STK3: variants seen among roughly 807,000 people sequenced by gnomAD.
The protein encoded by STK3 is serine/threonine-protein kinase 3.
A neutral mutation model predicts 58.0 loss-of-function variants in STK3; 41 were observed. That is an observed-to-expected ratio of 0.71 (90% CI 0.55 to 0.92). The LOEUF (loss-of-function observed/expected upper bound fraction) is 0.92. Among genes scored for constraint, STK3 ranks in the 40% least tolerant of loss-of-function variants. The probability of loss-of-function intolerance (pLI) is 0.00; values close to 1 mark genes in which losing one functional copy is unlikely to be tolerated. For synonymous variants in STK3, 170 were observed against 191.0 expected (o/e 0.89, Z 0.91); for missense variants, 479 against 602.7 (o/e 0.79, Z 2.15).
intron 1 of STK3, among the ~76,000 whole-genome samples, chr8:98,907,850 T>TACCTTTTAATC (rs1838977174): frequency 1.3e-5 from 2 of 152,350 alleles, no homozygotes; most frequent in African/African-American, 2.4e-5. Flanking sequence ...GTTTTTTAAT[T>TACCTTTTAATC]ATCTTTTAAT....
chr8:98,574,144 AAG>A lies in STK3; in HGVS notation c.948+5518_948+5519del, dbSNP rs1471344708. 7.9e-5 allele frequency among the ~76,000 whole-genome samples: 12 copies of A among 152,294 alleles called. No individual in the cohort carries two copies. The East Asian group carries it at 2.3e-3, about 29-fold the overall frequency. On this transcript the variant is annotated intron_variant, in intron 8 of 10. Coordinates refer to ENST00000419617, the MANE Select transcript of STK3 (RefSeq NM_006281.4). Reference sequence around the variant, plus strand: ...CAACTGTTGGCTATAGGAACCAGAAAAGTAACAGGAAAAGTAAAAAATGTACC... The same window carrying A: ...CAACTGTTGGCTATAGGAACCAGAAATAACAGGAAAAGTAAAAAATGTACC...
At chr8:98,919,805 G>A (rs563891115) in intron 1 of STK3, among the ~76,000 whole-genome samples, 2 of 148,890 alleles carry the variant, frequency 1.3e-5, no homozygotes, top group East Asian at 1.9e-4. Flanking sequence ...AAAGTCTTAG[G>A]AGCAGCAGCA....
At chr8:98,741,255 T>A (rs1829180820) in intron 4 of STK3, among the ~76,000 whole-genome samples, 3 of 152,210 alleles carry the variant, frequency 2.0e-5, no homozygotes, top group Admixed American at 6.5e-5. Context: ...CTAATAGACA[T>A]CTACAGAACT....
chr8:98,860,809 C>T (rs1288879888), intron 3 of STK3, among the ~76,000 whole-genome samples: 3 of 152,092 alleles, frequency 2.0e-5, no homozygotes, highest in Non-Finnish European at 4.4e-5. Flanking sequence ...CATCCCAACA[C>T]TTTAGGAGGC....
Position 98,454,680 on chromosome 8 carries a change from ATAAT to A in STK3, c.*1158_*1161del, listed in dbSNP as rs1010349885. On this transcript the variant is annotated 3_prime_UTR_variant, in exon 11 of 11. Coordinates refer to ENST00000419617, the MANE Select transcript of STK3 (RefSeq NM_006281.4). The stretch of plus-strand genomic sequence containing the variant: ...TATTTGTCTTTATGATTTACACATA[ATAAT>A]TAAACACACAAAAGAAAAAACACTG... The A allele has an allele frequency of 6.5e-6, 1 of 152,692 alleles. No homozygotes were observed. Among genetic ancestry groups the A allele is most frequent in the African/African-American group, 2.4e-5 (1 of 41,482 alleles). 9.5% of individuals were successfully genotyped at this position (152,692 alleles called of 1,614,324 possible). A position where few individuals can be genotyped will look rare whatever the true frequency, so the allele number is the denominator to read the frequency against.
intron 4 of STK3, among the ~76,000 whole-genome samples, chr8:98,743,521 T>C (rs1829398789): frequency 6.6e-6 from 1 of 152,182 alleles, no homozygotes; most frequent in Non-Finnish European, 1.5e-5. Context: ...CTGGGAAAAC[T>C]GGCTAGCGAC....
chr8:98,351,622 G>A, the STK3 span, among the ~76,000 whole-genome samples: 4 of 152,074 alleles, frequency 2.6e-5, no homozygotes, highest in African/African-American at 9.7e-5. Flanking sequence ...AGAGCTGGGG[G>A]CTGCAGAGGG....
At chr8:98,912,487 C>T (rs1429573402) in intron 1 of STK3, among the ~76,000 whole-genome samples, 1 of 152,048 alleles carries the variant, frequency 6.6e-6, no homozygotes, top group East Asian at 1.9e-4. Flanking sequence ...ACATTTTGCC[C>T]CAAATTAAAC....
At chr8:98,649,686 T>C (rs1229600958) in intron 6 of STK3, among the ~76,000 whole-genome samples, 3 of 152,228 alleles carry the variant, frequency 2.0e-5, no homozygotes, top group Non-Finnish European at 4.4e-5. Flanking sequence ...TTTTTCTCCA[T>C]AATTTTCTTA....
At chr8:98,635,704 T>G (rs1049933577) in intron 6 of STK3, among the ~76,000 whole-genome samples, 2 of 152,204 alleles carry the variant, frequency 1.3e-5, no homozygotes, top group African/African-American at 4.8e-5. Context: ...CACACAGAAT[T>G]AAAATATTAT....
At chr8:98,417,077 C>T (rs1329698181) in intron 3 of STK3, among the ~76,000 whole-genome samples, 1 of 152,196 alleles carries the variant, frequency 6.6e-6, no homozygotes, top group Non-Finnish European at 1.5e-5. Flanking sequence ...AGGGGGGCTT[C>T]TCACATGTGG....
At chr8:98,541,028 T>C (rs7011216) in intron 9 of STK3, among the ~76,000 whole-genome samples, 143,408 of 152,268 alleles carry the variant, frequency 0.94, 67,592 homozygotes, top group African/African-American at 0.95. Context: ...GCGCCAGCGG[T>C]AGCCTCTGGA....
chr8:98,620,610 C>T (rs904645190), intron 6 of STK3, among the ~76,000 whole-genome samples: 6 of 148,482 alleles, frequency 4.0e-5, no homozygotes, highest in African/African-American at 1.2e-4. Context: ...ATTTGTAGGA[C>T]ACATGCTGCT....
At chr8:98,775,873 T>C (rs919991096) in intron 1 of STK3, among the ~76,000 whole-genome samples, 5 of 152,232 alleles carry the variant, frequency 3.3e-5, no homozygotes, top group Non-Finnish European at 7.3e-5. Context: ...AATGGTATGG[T>C]GCTCATGAAA....
chr8:98,395,724 T>C (rs1363053445), intron 3 of STK3, among the ~76,000 whole-genome samples: 1 of 152,194 alleles, frequency 6.6e-6, no homozygotes, highest in Non-Finnish European at 1.5e-5. Context: ...TTGGGGATTT[T>C]TTTCTCCAGC....
At chr8:98,736,303 G>C (rs542187921) in intron 4 of STK3, among the ~76,000 whole-genome samples, 2 of 152,256 alleles carry the variant, frequency 1.3e-5, no homozygotes, top group East Asian at 3.9e-4. Context: ...GGCAAAGACT[G>C]GGGGTAGGGA....
In STK3 at chr8:98,428,419, C is replaced by T; in HGVS notation, n.483+5708G>A. 6.2e-7 allele frequency: 1 copy of T among 1,614,140 alleles called. No homozygotes were observed. Among genetic ancestry groups the T allele is most frequent in the East Asian group, 2.2e-5 (1 of 44,860 alleles). Reference sequence around the variant, plus strand: ...AGTGACCAGGAGAGCACCACGTCTTCCTTCGATGAGATCCTTGCCTTCTAC... The same window carrying T: ...AGTGACCAGGAGAGCACCACGTCTTTCTTCGATGAGATCCTTGCCTTCTAC... On this transcript the variant is annotated intron_variant and non_coding_transcript_variant, in intron 3 of 3. Transcript: ENST00000517832. This position sits in a 1 kb window ranked among gnomAD's most constrained non-coding sequence, Gnocchi z 6.7.
At chr8:98,743,315 T>G (rs148004457) in intron 4 of STK3, among the ~76,000 whole-genome samples, 1 of 149,378 alleles carries the variant, frequency 6.7e-6, no homozygotes, top group Non-Finnish European at 1.5e-5. Context: ...GGAGGCATCA[T>G]ACTACCTGAC....
chr8:98,432,184 A>G (rs930399219), intron 3 of STK3: 8 of 166,990 alleles, frequency 4.8e-5, no homozygotes, highest in Non-Finnish European at 1.0e-4. Flanking sequence ...GAGTCAGGTT[A>G]ATTTTCTGTA....
Sources: gnomAD v4.1 joint callset for allele counts (sites outside exome capture counted in the v4.1 genomes callset) on GRCh38, gnomAD v4.1.1 for gene constraint, Gnocchi (gnomAD v3.1) non-coding constraint, MANE v1.5 for transcripts, NCBI Gene and HGNC (gene_info 2026-07-23, HGNC 2026-07-21) for gene names.